Variants in JAKMIP1 observed in about 807,000 individuals in gnomAD.
JAKMIP1 encodes the protein janus kinase and microtubule-interacting protein 1.
In JAKMIP1, 33 loss-of-function variants were observed where a neutral mutation model predicts 113.0. The ratio of observed to expected loss-of-function variants is 0.29; its 90% CI spans 0.22 to 0.39. JAKMIP1 has a LOEUF of 0.39. JAKMIP1 is among the 10% of genes least tolerant of loss of function. The probability of loss-of-function intolerance (pLI) is 1.00; values close to 1 mark genes in which losing one functional copy is unlikely to be tolerated. For missense variants in JAKMIP1, 813 were observed against 1,080.5 expected (o/e 0.75, Z 3.47); for synonymous variants, 480 against 459.9 (o/e 1.04, Z -0.56).
intron 1 of JAKMIP1, among the ~76,000 whole-genome samples, chr4:6,173,391 G>A (rs774394994): frequency 2.0e-4 from 30 of 152,164 alleles, no homozygotes; most frequent in Non-Finnish European, 1.2e-4. Context: ...AACAAACTTC[G>A]TCAAAAGCCT....
At chr4:6,175,781 G>T (rs16838365) in intron 1 of JAKMIP1, among the ~76,000 whole-genome samples, 2,221 of 152,306 alleles carry the variant, frequency 0.015, 71 homozygotes, top group African/African-American at 0.049. Flanking sequence ...CTCAGACATT[G>T]TTTTCCAATT....
intron 1 of JAKMIP1, among the ~76,000 whole-genome samples, chr4:6,175,664 ACCCAGGC>A (rs1425495435): frequency 6.6e-6 from 1 of 152,086 alleles, no homozygotes; most frequent in African/African-American, 2.4e-5. Flanking sequence ...ACCCAGCTCC[ACCCAGGC>A]AGATGGATGC....
At position 6,060,473 on chromosome 4, in the gene JAKMIP1, C is replaced by T; in HGVS notation, c.1595G>A (p.Cys532Tyr). The change falls in exon 11 of 21, where the codon TGT becomes TAT. Residue 532 changes from cysteine to tyrosine, a missense_variant. Cys to Tyr is a radical substitution (Grantham distance 194). Coordinates refer to ENST00000409021, the MANE Select transcript of JAKMIP1 (RefSeq NM_001099433.2). Reference protein sequence around the residue: ...REQLQADLLRCQAKIEDLEKL... With the variant: ...REQLQADLLRYQAKIEDLEKL... The stretch of plus-strand genomic sequence containing the variant: ...CTCCAAATCTTCGATTTTGGCCTGA[C>T]ACCTCAGCAGATCAGCTTGTAGCTG... 6.2e-7 allele frequency: 1 copy of T among 1,614,178 alleles called. No individual in the cohort carries two copies. Among genetic ancestry groups the T allele is most frequent in the Admixed American group, 1.7e-5 (1 of 60,024 alleles).
At chr4:6,124,125 G>T (rs554964876) in intron 1 of JAKMIP1, among the ~76,000 whole-genome samples, 1 of 152,296 alleles carries the variant, frequency 6.6e-6, no homozygotes, top group South Asian at 2.1e-4. Context: ...CATGGCCCTG[G>T]CCCGGCTGTG....
chr4:6,107,228 CA>C (rs1427926447), intron 2 of JAKMIP1, among the ~76,000 whole-genome samples: 3 of 152,162 alleles, frequency 2.0e-5, no homozygotes, highest in Non-Finnish European at 4.4e-5. Context: ...CAGTTATGGA[CA>C]AAATGGTTTT....
At chr4:6,169,995 CACCACCA>C (rs1274185369) in intron 1 of JAKMIP1, among the ~76,000 whole-genome samples, 158 of 97,254 alleles carry the variant, frequency 1.6e-3, no homozygotes, top group African/African-American at 6.1e-3. Context: ...CCACCACCAC[CACCACCA>C]CCACCACCCT....
chr4:6,113,190 C>T (rs1405995515), intron 1 of JAKMIP1, among the ~76,000 whole-genome samples, 193 bp from the exon 2 acceptor site: 1 of 152,200 alleles, frequency 6.6e-6, no homozygotes, highest in African/African-American at 2.4e-5. Context: ...GTCCTGGGCC[C>T]ACCCCTAGAG....
chr4:6,085,945 A>G (rs1435548251), intron 3 of JAKMIP1, among the ~76,000 whole-genome samples: 3 of 152,070 alleles, frequency 2.0e-5, no homozygotes, highest in African/African-American at 7.2e-5. Flanking sequence ...GCCGGCCCCC[A>G]GCCAGGCCTC....
chr4:6,052,650 TAAAAAAA>T (rs762425260), intron 13 of JAKMIP1, among the ~76,000 whole-genome samples: 4 of 54,006 alleles, frequency 7.4e-5, no homozygotes, highest in East Asian at 1.3e-3. Context: ...GACTCTGTCC[TAAAAAAA>T]AAAAAAAAAA....
intron 1 of JAKMIP1, among the ~76,000 whole-genome samples, chr4:6,147,873 T>C (rs983696886): frequency 6.6e-6 from 1 of 152,230 alleles, no homozygotes; most frequent in Admixed American, 6.5e-5. Context: ...CTTGTTCCCA[T>C]CCAATTGTTC....
rs1723937730 is a variant in JAKMIP1 at position 6,168,529 on chromosome 4, G to A, written c.-148+31724C>T. Among the ~76,000 whole-genome samples, 1 of 152,104 alleles carries A rather than the reference G, an allele frequency of 6.6e-6. No individual in the cohort carries two copies. Among genetic ancestry groups the A allele is most frequent in the African/African-American group, 2.4e-5 (1 of 41,414 alleles). On this transcript the variant is annotated intron_variant, in intron 1 of 20. Coordinates refer to ENST00000409021, the MANE Select transcript of JAKMIP1 (RefSeq NM_001099433.2). This position sits in a 1 kb window ranked among gnomAD's most constrained non-coding sequence, Gnocchi z 4.6. The stretch of plus-strand genomic sequence containing the variant: ...GAACCTGGAAAACATTCCACTAAAT[G>A]AAGAAAGCCAGTCACAAAATACCAC...
chr4:6,031,058 C>T lies in JAKMIP1; in HGVS notation c.2380-1277G>A, dbSNP rs1426524376. On this transcript the variant is annotated intron_variant, in intron 19 of 20. Transcript: ENST00000409021. This position sits in a 1 kb window ranked among gnomAD's most constrained non-coding sequence, Gnocchi z 4.4. The stretch of plus-strand genomic sequence containing the variant: ...TGGAGAGAAAGACAAAGTCCCTCCC[C>T]TTATAGTTCAATTACCGTTCAGACA... Among the ~76,000 whole-genome samples the T allele has an allele frequency of 6.6e-6, 1 of 152,206 alleles. No homozygotes were observed. Among genetic ancestry groups the T allele is most frequent in the Non-Finnish European group, 1.5e-5 (1 of 68,042 alleles).
Position 6,200,143 on chromosome 4 carries a change from C to T in JAKMIP1, c.-148+110G>A, listed in dbSNP as rs955569131. 1 of 151,780 alleles carries T rather than the reference C, an allele frequency of 6.6e-6. No individual in the cohort carries two copies. The highest frequency in any genetic ancestry group is 1.5e-5 in the Non-Finnish European group (1 of 67,780). The allele number at this position is 151,780 out of a possible 1,614,324, so 9.4% of individuals were successfully genotyped here. A position where few individuals can be genotyped will look rare whatever the true frequency, so the allele number is the denominator to read the frequency against. On this transcript the variant is annotated intron_variant, in intron 1 of 20. Transcript: ENST00000409021. The surrounding 1 kb of genome is among the most constrained non-coding windows in gnomAD (Gnocchi z 7.0). ...GGGGGAGATGGACGATGGGGCGGGG[C>T]GGCACCGGTCGCCGCGTCCCTTGCC... is the stretch of plus-strand genomic sequence containing the variant.
Position 6,086,972 on chromosome 4 carries a change from G to C in JAKMIP1, c.625-1343C>G, listed in dbSNP as rs901168860. 1.3e-5 allele frequency among the ~76,000 whole-genome samples: 2 copies of C among 152,096 alleles called. No individual in the cohort carries two copies. The highest frequency in any genetic ancestry group is 2.4e-5 in the African/African-American group (1 of 41,422). ...CCTTAGGGGGAAGTGTGGGCATGCA[G>C]ACACCTTGATTTCAATCTCCTGGCC... On this transcript the variant is annotated intron_variant, in intron 3 of 20. Transcript: ENST00000409021. The surrounding 1 kb of genome is among the most constrained non-coding windows in gnomAD (Gnocchi z 4.1).
intron 8 of JAKMIP1, 59 bp downstream of exon 8, chr4:6,078,880 T>C (rs1226299959): frequency 6.4e-7 from 1 of 1,571,838 alleles, no homozygotes; most frequent in Non-Finnish European, 8.8e-7. Context: ...ACGACCCATC[T>C]GCCCTGCAGA....
chr4:6,098,608 A>AGGAAAGG lies in JAKMIP1; in HGVS notation c.624+6864_624+6865insCCTTTCC, dbSNP rs1455500388. ...AAGGAAAGGAAGAAAGAAAGGAAGA[A>AGGAAAGG]AAGAAAGAAAAAGAAAAAGAAAGAA... On this transcript the variant is annotated intron_variant, in intron 3 of 20. Coordinates refer to ENST00000409021, the MANE Select transcript of JAKMIP1 (RefSeq NM_001099433.2). Among the ~76,000 whole-genome samples the AGGAAAGG allele has an allele frequency of 8.3e-4, 122 of 147,310 alleles. 1 individual carries two copies. Among genetic ancestry groups the AGGAAAGG allele is most frequent in the Middle Eastern group, 6.9e-3 (2 of 288 alleles).
intron 1 of JAKMIP1, among the ~76,000 whole-genome samples, chr4:6,161,274 C>T (rs1722920626): frequency 6.6e-6 from 1 of 152,082 alleles, no homozygotes; most frequent in Non-Finnish European, 1.5e-5. Flanking sequence ...ACTCACTTCC[C>T]CTGACCTCCA....
intron 8 of JAKMIP1, among the ~76,000 whole-genome samples, chr4:6,068,362 T>C (rs994905312): frequency 3.9e-5 from 6 of 152,086 alleles, no homozygotes; most frequent in Non-Finnish European, 8.8e-5. Flanking sequence ...CACAGAACTA[T>C]GCTGCTTTGA....
At chr4:6,160,204 G>A (rs1722740799) in intron 1 of JAKMIP1, among the ~76,000 whole-genome samples, 1 of 152,112 alleles carries the variant, frequency 6.6e-6, no homozygotes, top group Non-Finnish European at 1.5e-5. Flanking sequence ...AAACATCAAG[G>A]GCACCCAGCA....
Sources: allele counts gnomAD v4.1 joint callset (sites outside exome capture counted in the v4.1 genomes callset), GRCh38; gene constraint gnomAD v4.1.1; non-coding constraint Gnocchi (gnomAD v3.1); transcripts MANE v1.5; gene names NCBI Gene and HGNC (gene_info 2026-07-23, HGNC 2026-07-21).